The following ARHGAP10 variants were observed in gnomAD, a reference collection of about 807,000 sequenced individuals.
ARHGAP10 encodes rho GTPase-activating protein 10.
In ARHGAP10, 87 loss-of-function variants were observed where a neutral mutation model predicts 108.6. The ratio of observed to expected loss-of-function variants is 0.80; its 90% confidence interval spans 0.67 to 0.96. The LOEUF (loss-of-function observed/expected upper bound fraction) is 0.96. ARHGAP10 is among the 40% of genes least tolerant of loss of function. The pLI is 0.00. For missense variants in ARHGAP10, 939 were observed against 954.5 expected (o/e 0.98, Z 0.21); for synonymous variants, 347 against 341.1 (o/e 1.02, Z -0.19).
intron 1 of ARHGAP10, among the ~76,000 whole-genome samples, chr4:147,815,008 G>T (rs938619567): frequency 2.0e-5 from 3 of 152,160 alleles, no homozygotes; most frequent in East Asian, 1.9e-4. Flanking sequence ...TCGAAGCCAA[G>T]AAGCTTAAAA....
chr4:147,979,088 G>A (rs571508783), intron 18 of ARHGAP10, among the ~76,000 whole-genome samples: 7 of 152,092 alleles, frequency 4.6e-5, no homozygotes, highest in Non-Finnish European at 1.0e-4. Flanking sequence ...TTTTGATTTT[G>A]TTGCATTTGC....
At chr4:147,760,195 C>T (rs775490440) in intron 1 of ARHGAP10, among the ~76,000 whole-genome samples, 1 of 152,178 alleles carries the variant, frequency 6.6e-6, no homozygotes, top group Non-Finnish European at 1.5e-5. Flanking sequence ...GGATAATACG[C>T]AGTATCTACA....
chr4:147,955,269 AC>A (rs1457325741), intron 15 of ARHGAP10, 46 bp from the exon 16 acceptor site: 8 of 1,533,766 alleles, frequency 5.2e-6, no homozygotes, highest in African/African-American at 1.4e-5. Context: ...CTCAGAAGTG[AC>A]TTGTTTGGAT....
chr4:147,866,787 A>G lies in ARHGAP10; in HGVS notation c.673A>G (p.Lys225Glu), dbSNP rs754473364. The change falls in exon 7 of 23, where the codon AAA becomes GAA. Residue 225 changes from lysine (K) to glutamate (E), a missense_variant. Transcript: ENST00000336498. ...HELAKDFNHY[K>E]MELQINIQNT... ...ACTTGCCAAAGACTTCAATCACTAC[A>G]AAATGGAACTACAGATCAACATTCA... is the stretch of plus-strand genomic sequence containing the variant. 9.3e-6 allele frequency: 15 copies of G among 1,612,646 alleles called. No homozygotes were observed. Among genetic ancestry groups the G allele is most frequent in the Non-Finnish European group, 1.3e-5 (15 of 1,178,798 alleles).
chr4:148,040,681 G>A (rs1250303677), intron 19 of ARHGAP10, among the ~76,000 whole-genome samples: 1 of 152,110 alleles, frequency 6.6e-6, no homozygotes, highest in African/African-American at 2.4e-5. Context: ...GGTTCTGTTG[G>A]TTTCAGTTGG....
chr4:147,932,375 C>T (rs1434934521), intron 13 of ARHGAP10, among the ~76,000 whole-genome samples: 1 of 152,064 alleles, frequency 6.6e-6, no homozygotes, highest in African/African-American at 2.4e-5. Context: ...TTACTTTTCA[C>T]AATTGCAAAG....
chr4:148,042,171 A>C (rs1560888796), intron 19 of ARHGAP10, among the ~76,000 whole-genome samples: 1 of 152,112 alleles, frequency 6.6e-6, no homozygotes, highest in Non-Finnish European at 1.5e-5. Flanking sequence ...TCAGTTAATG[A>C]TTCTACCATA....
At chr4:147,806,625 G>A (rs1180831011) in intron 1 of ARHGAP10, among the ~76,000 whole-genome samples, 1 of 152,066 alleles carries the variant, frequency 6.6e-6, no homozygotes, top group Non-Finnish European at 1.5e-5. Context: ...AAACAAAGGT[G>A]CTTAGTGACT....
intron 18 of ARHGAP10, among the ~76,000 whole-genome samples, chr4:147,976,880 C>T (rs1739615739): frequency 6.6e-6 from 1 of 152,154 alleles, no homozygotes; most frequent in Admixed American, 6.5e-5. Context: ...ATAAAGTGTG[C>T]ATAGATTTAT....
chr4:148,038,240 G>A (rs1381678322), intron 19 of ARHGAP10, among the ~76,000 whole-genome samples: 1 of 152,132 alleles, frequency 6.6e-6, no homozygotes, highest in Non-Finnish European at 1.5e-5. Flanking sequence ...TGGCCTGAAT[G>A]TCCTGGGTAA....
intron 1 of ARHGAP10, among the ~76,000 whole-genome samples, chr4:147,766,824 A>T (rs62330672): frequency 8.0e-5 from 1 of 12,544 alleles, no homozygotes; most frequent in African/African-American, 9.0e-5. Flanking sequence ...ATATATATAT[A>T]TATATATATA....
rs575475781 is a variant in ARHGAP10 at position 147,811,118 on chromosome 4, A to G, written c.155-11609A>G. On this transcript the variant is annotated intron_variant, in intron 1 of 22. Transcript: ENST00000336498. ...TCCTCTTCATTTTCAGTGTTCTGCT[A>G]CTAAGTTCAACAGCTTCTGTTAATA... Among the ~76,000 whole-genome samples, 44 of 152,250 alleles carry G rather than the reference A, an allele frequency of 2.9e-4. 1 individual carries two copies. In the South Asian group the frequency reaches 8.9e-3, roughly 31 times the overall value.
At position 147,937,755 on chromosome 4, in the gene ARHGAP10, G is replaced by A. The variant is rs908629103; in HGVS notation, c.1229-2070G>A. Among the ~76,000 whole-genome samples the A allele has an allele frequency of 1.2e-4, 18 of 152,142 alleles. No homozygotes were observed. The South Asian group carries it at 2.3e-3, about 19-fold the overall frequency. On this transcript the variant is annotated intron_variant, in intron 13 of 22. Transcript: ENST00000336498. ...AGCACTTTGGGAGGCGGAGGCAGGC[G>A]GATCACCTGAGGTCAGAAGTTCAAG...
intron 20 of ARHGAP10, among the ~76,000 whole-genome samples, chr4:148,050,137 G>A (rs949690552): frequency 6.6e-6 from 1 of 152,120 alleles, no homozygotes; most frequent in African/African-American, 2.4e-5. Context: ...AAAATGCTGG[G>A]ATTACAGGCG....
chr4:147,867,474 T>G (rs1734612673), intron 7 of ARHGAP10, among the ~76,000 whole-genome samples: 1 of 152,178 alleles, frequency 6.6e-6, no homozygotes, highest in Non-Finnish European at 1.5e-5. Context: ...TGTAGTGAGA[T>G]AGCTTTGTGA....
chr4:147,801,983 C>T (rs1731602447), intron 1 of ARHGAP10, among the ~76,000 whole-genome samples: 1 of 152,138 alleles, frequency 6.6e-6, no homozygotes, highest in South Asian at 2.1e-4. Context: ...GATTTCTCTC[C>T]CTGAGGCACA....
intron 1 of ARHGAP10, among the ~76,000 whole-genome samples, chr4:147,775,274 C>T (rs1461774546): frequency 6.6e-6 from 1 of 152,206 alleles, no homozygotes; most frequent in East Asian, 1.9e-4. Flanking sequence ...GCTTGCATCC[C>T]TCCTCCTGGC....
chr4:147,746,174 G>A (rs999639853), intron 1 of ARHGAP10, among the ~76,000 whole-genome samples: 2 of 151,852 alleles, frequency 1.3e-5, no homozygotes, highest in African/African-American at 2.4e-5. Context: ...CGTGATCTTG[G>A]CTCACTGCAT....
intron 1 of ARHGAP10, among the ~76,000 whole-genome samples, chr4:147,733,561 C>T (rs1297882251): frequency 6.6e-6 from 1 of 152,192 alleles, no homozygotes; most frequent in East Asian, 1.9e-4. Context: ...GTCCCTTGTA[C>T]ATTTGTTTGT....
Sources: gnomAD v4.1 joint callset for allele counts (sites outside exome capture counted in the v4.1 genomes callset) on GRCh38, gnomAD v4.1.1 for gene constraint, MANE v1.5 for transcripts, NCBI Gene and HGNC (gene_info 2026-07-23, HGNC 2026-07-21) for gene names.